Variants in SEZ6L observed in about 807,000 individuals in gnomAD.
The protein encoded by SEZ6L is seizure related 6 homolog like.
SEZ6L carries 37 observed loss-of-function variants against 106.2 expected under a neutral mutation model. The observed-to-expected ratio is 0.35, with a 90% CI of 0.27 to 0.46. The LOEUF is 0.46. SEZ6L is among the 20% of genes least tolerant of loss of function. The pLI is 1.00. For missense variants in SEZ6L, 1,172 were observed against 1,332.8 expected, an observed-to-expected ratio of 0.88 and a Z score of 1.88; for synonymous variants, 541 against 570.4, an observed-to-expected ratio of 0.95 and a Z score of 0.73.
intron 11 of SEZ6L, among the ~76,000 whole-genome samples, chr22:26,348,840 G>GGGAGGGAAGGTGAGGGAAGT (rs2083175906): frequency 2.0e-5 from 1 of 49,786 alleles, no homozygotes; most frequent in African/African-American, 9.7e-5. Flanking sequence ...GGGAGGGAAG[G>GGGAGGGAAGGTGAGGGAAGT]GGAGAGAAGG....
chr22:26,357,225 A>G (rs1601603516), intron 12 of SEZ6L, among the ~76,000 whole-genome samples: 1 of 152,120 alleles, frequency 6.6e-6, no homozygotes, highest in East Asian at 1.9e-4. Flanking sequence ...GATTACAGCC[A>G]TGCGCCACTG....
chr22:26,322,420 T>C (rs2082180932), intron 9 of SEZ6L, among the ~76,000 whole-genome samples: 1 of 152,092 alleles, frequency 6.6e-6, no homozygotes, highest in Admixed American at 6.6e-5. Context: ...GACTCAAAGT[T>C]CAGGAAGGGA....
At chr22:26,269,665 A>C (rs569047069) in intron 1 of SEZ6L, among the ~76,000 whole-genome samples, 1 of 152,352 alleles carries the variant, frequency 6.6e-6, no homozygotes, top group South Asian at 2.1e-4. Context: ...TCTCTGATCA[A>C]AAATTGTGGT....
chr22:26,288,636 A>G (rs2081010901), intron 1 of SEZ6L, among the ~76,000 whole-genome samples: 2 of 152,238 alleles, frequency 1.3e-5, no homozygotes, highest in Admixed American at 1.3e-4. Context: ...GATCATTCAT[A>G]AAATAGGAAC....
chr22:26,292,877 A>G lies in SEZ6L; in HGVS notation c.566A>G (p.Lys189Arg), dbSNP rs765580150. 1.2e-6 allele frequency: 2 copies of G among 1,614,148 alleles called. No homozygotes were observed. The highest frequency in any genetic ancestry group is 1.7e-6 in the Non-Finnish European group (2 of 1,179,986). The change falls in exon 2 of 17, where the codon AAG (lysine) becomes AGG (arginine). Residue 189 changes from lysine (K) to arginine (R), a missense_variant. Lys to Arg is a conservative substitution (Grantham distance 26, BLOSUM62 2). This residue lies in a region of SEZ6L where 494 missense variants were observed against 445.8 expected (regional missense o/e 1.11). Transcript: ENST00000248933. The part of the protein sequence containing the change: ...ASEVPLWLDR[K>R]ESAVPTTPAP... ...GAAGTGCCCCTTTGGCTGGACCGAA[A>G]GGAGAGTGCGGTCCCTACAACACCC...
chr22:26,301,284 C>T (rs1303143712), intron 5 of SEZ6L, among the ~76,000 whole-genome samples: 2 of 152,206 alleles, frequency 1.3e-5, no homozygotes, highest in Non-Finnish European at 2.9e-5. Context: ...ATTTTAAGCA[C>T]CTGTTGGGCG....
At chr22:26,254,579 C>A (rs2079741527) in intron 1 of SEZ6L, among the ~76,000 whole-genome samples, 1 of 152,162 alleles carries the variant, frequency 6.6e-6, no homozygotes, top group Admixed American at 6.5e-5. Context: ...GATTGTGACA[C>A]TGCACTCCAG....
In SEZ6L at chr22:26,293,072, C is replaced by T. The variant is rs1266838634; in HGVS notation, c.761C>T (p.Ala254Val). Residue 254 changes from alanine (A) to valine (V), a missense_variant, in exon 2 of 17, where the codon GCC becomes GTC. Coordinates refer to ENST00000248933, the MANE Select transcript of SEZ6L (RefSeq NM_021115.5). Reference protein sequence around the residue: ...DKGENELTGSASEESQETTTS... With the variant: ...DKGENELTGSVSEESQETTTS... ...GGTGAGAATGAGCTGACTGGGTCAG[C>T]CTCAGAGGAGAGCCAGGAGACCACT... is the stretch of plus-strand genomic sequence containing the variant. 1 of 1,612,826 alleles carries T rather than the reference C, an allele frequency of 6.2e-7. No individual in the cohort carries two copies. Among genetic ancestry groups the T allele is most frequent in the East Asian group, 2.2e-5 (1 of 44,856 alleles).
intron 1 of SEZ6L, among the ~76,000 whole-genome samples, chr22:26,174,047 A>G (rs1282517952): frequency 6.6e-6 from 1 of 152,188 alleles, no homozygotes; most frequent in East Asian, 1.9e-4. Flanking sequence ...GTGCTGGAGT[A>G]CTATAATATG....
intron 1 of SEZ6L, among the ~76,000 whole-genome samples, chr22:26,273,877 A>G (rs1008558106): frequency 6.6e-6 from 1 of 152,118 alleles, no homozygotes; most frequent in Non-Finnish European, 1.5e-5. Flanking sequence ...TTTGTTGGAG[A>G]TCCAAATTCT....
At chr22:26,206,260 G>A (rs1400860658) in intron 1 of SEZ6L, among the ~76,000 whole-genome samples, 6 of 152,038 alleles carry the variant, frequency 3.9e-5, no homozygotes, top group East Asian at 1.9e-4. Flanking sequence ...AACCCCAATC[G>A]TCCCTTTTCT....
At position 26,340,447 on chromosome 22, in the gene SEZ6L, G is replaced by T; in HGVS notation, c.2027G>T (p.Ser676Ile). The T allele has an allele frequency of 6.2e-7, 1 of 1,612,648 alleles. No homozygotes were observed. The change falls in exon 10 of 17, where the codon AGC becomes ATC. Residue 676 changes from serine (S) to isoleucine (I), a missense_variant. Physicochemically the swap from Ser to Ile is moderately radical, Grantham distance 142 (BLOSUM62 -2). Around this residue, in one of 4 missense-constraint regions of SEZ6L, gnomAD observed 534 missense variants for 691.0 expected, o/e 0.77. Coordinates refer to ENST00000248933, the MANE Select transcript of SEZ6L (RefSeq NM_021115.5). ...IFLDIQFLNL[S>I]NSDILTIYDG... ...CTCTGCCCTCCAAGCCTGAATCTGAGCAACAGTGACATCTTGACCATCTAC... is the reference window on the plus strand; with the variant it reads ...CTCTGCCCTCCAAGCCTGAATCTGATCAACAGTGACATCTTGACCATCTAC...
chr22:26,192,167 C>A (rs1285098824), intron 1 of SEZ6L, among the ~76,000 whole-genome samples: 1 of 152,162 alleles, frequency 6.6e-6, no homozygotes, highest in Non-Finnish European at 1.5e-5. Context: ...TCAATGCATC[C>A]TTTTATCTGT....
chr22:26,252,034 G>T lies in SEZ6L; in HGVS notation c.95-40372G>T, dbSNP rs190804810. On this transcript the variant is annotated intron_variant, in intron 1 of 16. Coordinates refer to ENST00000248933, the MANE Select transcript of SEZ6L (RefSeq NM_021115.5). ...AATGGCGGCAGCAGGAGCAGCGGCG[G>T]CAGCAGCAGCATCAGCGACAGCAGC... 3.9e-5 allele frequency among the ~76,000 whole-genome samples: 6 copies of T among 152,250 alleles called. No homozygotes were observed. In the South Asian group the frequency reaches 6.2e-4, roughly 16 times the overall value.
Position 26,169,620 on chromosome 22 carries a change from C to CG in SEZ6L, c.-49dup. On this transcript the variant is annotated 5_prime_UTR_variant, in exon 1 of 17. Coordinates refer to ENST00000248933, the MANE Select transcript of SEZ6L (RefSeq NM_021115.5). ...CGCCGCCCTCCTTCCCCAGCTCCCTCGCCGTCCGCCCGCCCCACAGCCAGC... is the reference window on the plus strand; with the variant it reads ...CGCCGCCCTCCTTCCCCAGCTCCCTCGGCCGTCCGCCCGCCCCACAGCCAGC... 1.5e-6 allele frequency: 1 copy of CG among 681,644 alleles called. No homozygotes were observed. Among genetic ancestry groups the CG allele is most frequent in the Middle Eastern group, 4.6e-4 (1 of 2,168 alleles). The allele number at this position is 681,644 out of a possible 1,614,324, so 42.2% of individuals were successfully genotyped here.
At chr22:26,200,556 C>T (rs942516826) in intron 1 of SEZ6L, among the ~76,000 whole-genome samples, 1 of 152,130 alleles carries the variant, frequency 6.6e-6, no homozygotes, top group Non-Finnish European at 1.5e-5. Flanking sequence ...ACTGGAGTCC[C>T]TATGTGAGAA....
At chr22:26,261,173 C>T (rs1261528634) in intron 1 of SEZ6L, among the ~76,000 whole-genome samples, 1 of 152,070 alleles carries the variant, frequency 6.6e-6, no homozygotes, top group African/African-American at 2.4e-5. Context: ...TTTTCTCTCA[C>T]TCTGTGGGTT....
At position 26,293,093 on chromosome 22, in the gene SEZ6L, C is replaced by A. The variant is rs1281996478; in HGVS notation, c.782C>A (p.Thr261Asn). Reference sequence around the variant, plus strand: ...TCAGCCTCAGAGGAGAGCCAGGAGACCACTACCTCCACCATTATCACCACC... The same window carrying A: ...TCAGCCTCAGAGGAGAGCCAGGAGAACACTACCTCCACCATTATCACCACC... ...TGSASEESQETTTSTIITTTV... is the reference protein window; with the variant it reads ...TGSASEESQENTTSTIITTTV... The change falls in exon 2 of 17, where the codon ACC (threonine) becomes AAC (asparagine). Residue 261 changes from threonine (T) to asparagine (N), a missense_variant. Thr to Asn is a moderately conservative substitution (Grantham distance 65). This residue lies in a region of SEZ6L where 494 missense variants were observed against 445.8 expected (regional missense o/e 1.11). Transcript: ENST00000248933. 2 of 1,604,952 alleles carry A rather than the reference C, an allele frequency of 1.2e-6. No homozygotes were observed. The highest frequency in any genetic ancestry group is 2.7e-5 in the African/African-American group (2 of 74,650).
chr22:26,312,919 G>A (rs1382077598), intron 8 of SEZ6L, among the ~76,000 whole-genome samples: 1 of 152,204 alleles, frequency 6.6e-6, no homozygotes, highest in Non-Finnish European at 1.5e-5. Context: ...TGGGTCTCCT[G>A]CTGGCATGTG....
Sources: gnomAD v4.1 joint callset for allele counts (sites outside exome capture counted in the v4.1 genomes callset) on GRCh38, gnomAD v4.1.1 for gene constraint, gnomAD v4.1.1 regional missense constraint, MANE v1.5 for transcripts, NCBI Gene and HGNC (gene_info 2026-07-23, HGNC 2026-07-21) for gene names.